Variants in PPM1L observed in about 807,000 individuals in gnomAD.
PPM1L encodes the protein protein phosphatase, Mg2+/Mn2+ dependent 1L.
A neutral mutation model predicts 31.4 loss-of-function variants in PPM1L; 13 were observed. The ratio of observed to expected loss-of-function variants is 0.41; its 90% CI spans 0.27 to 0.66. The LOEUF (loss-of-function observed/expected upper bound fraction) is 0.66. Ranked by LOEUF, PPM1L falls within the 30% of genes least tolerant of loss-of-function variation. PPM1L has a pLI of 0.29. For synonymous variants in PPM1L, 184 were observed against 175.4 expected (o/e 1.05, Z -0.39); for missense variants, 326 against 453.7 (o/e 0.72, Z 2.56).
intron 1 of PPM1L, among the ~76,000 whole-genome samples, chr3:160,846,629 A>G (rs1714086078): frequency 6.6e-6 from 1 of 152,130 alleles, no homozygotes; most frequent in Admixed American, 6.5e-5. Context: ...TGTATGGAAG[A>G]TCAGTCACCA....
At chr3:160,843,917 G>A (rs1332570033) in intron 1 of PPM1L, among the ~76,000 whole-genome samples, 1 of 152,148 alleles carries the variant, frequency 6.6e-6, no homozygotes, top group Non-Finnish European at 1.5e-5. Context: ...TTAAGAAAAT[G>A]TGGTACATAT....
At chr3:160,904,214 C>T (rs1005817397) in intron 1 of PPM1L, among the ~76,000 whole-genome samples, 2 of 152,122 alleles carry the variant, frequency 1.3e-5, no homozygotes, top group African/African-American at 4.8e-5. Context: ...CACTCCCCTG[C>T]AGGTTTTGCG....
chr3:161,031,050 C>T (rs2108079956), intron 2 of PPM1L, among the ~76,000 whole-genome samples: 1 of 152,296 alleles, frequency 6.6e-6, no homozygotes, highest in Non-Finnish European at 1.5e-5. Context: ...TCTTTTATTA[C>T]TTTCCTTTAT....
intron 1 of PPM1L, among the ~76,000 whole-genome samples, chr3:160,835,036 A>ACTTCTTCTTCTTCTT (rs1491239346): frequency 9.3e-4 from 67 of 72,018 alleles, no homozygotes; most frequent in East Asian, 1.9e-3. Flanking sequence ...TATTACTACT[A>ACTTCTTCTTCTTCTT]CTACTTCTTC....
chr3:161,051,112 A>G (rs1576807756), intron 2 of PPM1L, among the ~76,000 whole-genome samples: 1 of 151,798 alleles, frequency 6.6e-6, no homozygotes, highest in Non-Finnish European at 1.5e-5. Flanking sequence ...CCTCTCCACC[A>G]CCCGCCATCT....
intron 1 of PPM1L, among the ~76,000 whole-genome samples, chr3:160,814,476 TACACACAC>T (rs143386537): frequency 2.8e-5 from 4 of 145,008 alleles, no homozygotes; most frequent in African/African-American, 5.1e-5. Context: ...GTGGTGTATA[TACACACAC>T]ACACACACAC....
At position 160,835,150 on chromosome 3, in the gene PPM1L, T is replaced by A. The variant is rs903976819; in HGVS notation, c.399+78443T>A. ...TTTCTTCCTTCTTCCTTTTTCTTCC[T>A]TTTTTTTTTTTTTTTTTTTCAGAAT... On this transcript the variant is annotated intron_variant, in intron 1 of 3. Transcript: ENST00000498165. Among the ~76,000 whole-genome samples, 3 of 104,988 alleles carry A rather than the reference T, an allele frequency of 2.9e-5. No individual in the cohort carries two copies. In the East Asian group the frequency reaches 7.0e-4, roughly 24 times the overall value. The allele number at this position is 104,988 out of a possible 152,430, so 68.9% of individuals were successfully genotyped here. A position where few individuals can be genotyped will look rare whatever the true frequency, so the allele number is the denominator to read the frequency against.
chr3:160,921,513 C>T lies in PPM1L; in HGVS notation c.400-40223C>T, dbSNP rs566954693. Among the ~76,000 whole-genome samples the T allele has an allele frequency of 9.9e-5, 15 of 152,204 alleles. No individual in the cohort carries two copies. The South Asian group carries it at 1.0e-3, about 11-fold the overall frequency. ...ATAATTTCAAAGGGCCTTTGAATAA[C>T]GTTTAGTCCCATTTACAAAATTAAT... is the stretch of plus-strand genomic sequence containing the variant. On this transcript the variant is annotated intron_variant, in intron 1 of 3. Coordinates refer to ENST00000498165, the MANE Select transcript of PPM1L (RefSeq NM_139245.4).
chr3:161,008,559 T>C (rs967204267), intron 2 of PPM1L, among the ~76,000 whole-genome samples: 1 of 152,186 alleles, frequency 6.6e-6, no homozygotes, highest in Non-Finnish European at 1.5e-5. Context: ...TCAGCAGCCT[T>C]CAGAGGGCAA....
chr3:160,854,104 G>A lies in PPM1L; in HGVS notation c.399+97397G>A, dbSNP rs982769875. ...CAGGTGGTACCCAGTTATTTAGAGA[G>A]ATCTTTCTTTCAGACCTTAGACATG... On this transcript the variant is annotated intron_variant, in intron 1 of 3. Transcript: ENST00000498165. 3.3e-5 allele frequency among the ~76,000 whole-genome samples: 5 copies of A among 152,130 alleles called. No homozygotes were observed. In the East Asian group the frequency reaches 5.8e-4, roughly 18 times the overall value.
chr3:160,873,540 A>AATTATT (rs60234661), intron 1 of PPM1L, among the ~76,000 whole-genome samples: 207 of 150,738 alleles, frequency 1.4e-3, no homozygotes, highest in African/African-American at 4.5e-3. Flanking sequence ...GCTCTAGTAG[A>AATTATT]ATTATTATTA....
At chr3:161,042,411 C>G (rs1170753714) in intron 2 of PPM1L, among the ~76,000 whole-genome samples, 3 of 152,172 alleles carry the variant, frequency 2.0e-5, no homozygotes, top group African/African-American at 7.2e-5. Flanking sequence ...CAGCCAGAAT[C>G]TTGTTTGAGC....
chr3:160,927,060 T>C (rs1714620080), intron 1 of PPM1L, among the ~76,000 whole-genome samples: 1 of 152,198 alleles, frequency 6.6e-6, no homozygotes, highest in South Asian at 2.1e-4. Context: ...TGTGTTAATA[T>C]TGTGTAAATA....
At chr3:160,833,881 T>C in intron 1 of PPM1L, among the ~76,000 whole-genome samples, 1 of 152,104 alleles carries the variant, frequency 6.6e-6, no homozygotes, top group East Asian at 1.9e-4. Flanking sequence ...TGCCCAGATT[T>C]TCTTCTAGGG....
rs1328540456 is a variant in PPM1L at position 161,075,661 on chromosome 3, C to T, written c.*6504C>T. The T allele has an allele frequency of 6.6e-6, 1 of 151,924 alleles. No homozygotes were observed. The highest frequency in any genetic ancestry group is 2.1e-4 in the South Asian group (1 of 4,812). The allele number at this position is 151,924 out of a possible 1,614,324, so 9.4% of individuals were successfully genotyped here. A position where few individuals can be genotyped will look rare whatever the true frequency, so the allele number is the denominator to read the frequency against. ...AAGCATTTTTAAGAAAATACAGAAGCCCAAATCAAGGGAGAGTAATATAAA... is the reference window on the plus strand; with the variant it reads ...AAGCATTTTTAAGAAAATACAGAAGTCCAAATCAAGGGAGAGTAATATAAA... On this transcript the variant is annotated 3_prime_UTR_variant, in exon 4 of 4. Transcript: ENST00000498165.
Position 160,756,522 on chromosome 3 carries a change from CTCGGGGGGCTTGATG to C in PPM1L, c.216_230del (p.Gly73_Val77del). On this transcript the variant is annotated inframe_deletion, in exon 1 of 4. Coordinates refer to ENST00000498165, the MANE Select transcript of PPM1L (RefSeq NM_139245.4). The surrounding 1 kb of genome is among the most constrained non-coding windows in gnomAD (Gnocchi z 6.2). ...AGCCGAGATCATGCAGAACGATCGA[CTCGGGGGGCTTGATG>C]TGCTCGAGGCCGAGTTTTCCAAGAC... 6.2e-7 allele frequency: 1 copy of C among 1,614,154 alleles called. No homozygotes were observed. Among genetic ancestry groups the C allele is most frequent in the Non-Finnish European group, 8.5e-7 (1 of 1,180,038 alleles).
intron 1 of PPM1L, among the ~76,000 whole-genome samples, chr3:160,800,784 T>C (rs1033584809): frequency 2.6e-5 from 4 of 152,184 alleles, no homozygotes; most frequent in African/African-American, 4.8e-5. Flanking sequence ...ATTAATAATG[T>C]ACTCTAAGAT....
intron 1 of PPM1L, among the ~76,000 whole-genome samples, chr3:160,887,088 A>G (rs1012789306): frequency 6.6e-6 from 1 of 151,892 alleles, no homozygotes; most frequent in Non-Finnish European, 1.5e-5. Flanking sequence ...AGCTGAATCA[A>G]TCAAGCAGAA....
At chr3:160,847,593 G>T (rs1430852360) in intron 1 of PPM1L, among the ~76,000 whole-genome samples, 1 of 152,094 alleles carries the variant, frequency 6.6e-6, no homozygotes, top group Non-Finnish European at 1.5e-5. Context: ...TAGTGATGCT[G>T]CCTTGGAAAT....
Sources: gnomAD v4.1 joint callset for allele counts (sites outside exome capture counted in the v4.1 genomes callset) on GRCh38, gnomAD v4.1.1 for gene constraint, Gnocchi (gnomAD v3.1) non-coding constraint, MANE v1.5 for transcripts, NCBI Gene and HGNC (gene_info 2026-07-23, HGNC 2026-07-21) for gene names.